The following VAV1 variants were observed in gnomAD, a reference collection of about 807,000 sequenced individuals.
VAV1 encodes vav guanine nucleotide exchange factor 1, also known as proto-oncogene vav.
A neutral mutation model predicts 128.1 loss-of-function variants in VAV1; 33 were observed. That is an observed-to-expected ratio of 0.26 (90% CI 0.20 to 0.34). The LOEUF is 0.34. Among genes scored for constraint, VAV1 ranks in the 10% least tolerant of loss-of-function variants. The pLI is 1.00. For missense variants in VAV1, 715 were observed against 1,093.7 expected, an observed-to-expected ratio of 0.65 and a Z score of 4.88; for synonymous variants, 394 against 409.8, an observed-to-expected ratio of 0.96 and a Z score of 0.47.
intron 1 of VAV1, among the ~76,000 whole-genome samples, chr19:6,782,360 AAAAATAAAAT>A (rs910144491): frequency 2.0e-5 from 3 of 152,000 alleles, no homozygotes; most frequent in Non-Finnish European, 4.4e-5. Context: ...AAATAAAAAT[AAAAATAAAAT>A]AAAATAAAAT....
intron 26 of VAV1, among the ~76,000 whole-genome samples, chr19:6,855,587 C>T (rs1394582709): frequency 6.6e-6 from 1 of 151,984 alleles, no homozygotes; most frequent in Non-Finnish European, 1.5e-5. Flanking sequence ...ATTAATCTAT[C>T]CATTAATCCA....
At chr19:6,773,144 C>A in intron 1 of VAV1, 133 bp downstream of exon 1, 5 of 1,226,626 alleles carry the variant, frequency 4.1e-6, no homozygotes, top group Non-Finnish European at 5.7e-6. Flanking sequence ...AGGTCCAGGG[C>A]TGGCCCAGGG....
chr19:6,781,208 C>T (rs1439130436), intron 1 of VAV1, among the ~76,000 whole-genome samples: 4 of 152,142 alleles, frequency 2.6e-5, no homozygotes, highest in Non-Finnish European at 5.9e-5. Context: ...CCACCCAGTC[C>T]TCGTGTTTTT....
At chr19:6,843,215 G>T (rs775606447) in intron 22 of VAV1, 49 bp downstream of exon 22, 1 of 1,610,456 alleles carries the variant, frequency 6.2e-7, no homozygotes, top group Non-Finnish European at 8.5e-7. Flanking sequence ...TCTGGGTTGG[G>T]GTTCCAGGCT....
intron 25 of VAV1, among the ~76,000 whole-genome samples, 198 bp from the exon 26 acceptor site, chr19:6,853,749 T>C (rs983449441): frequency 6.6e-6 from 1 of 151,770 alleles, no homozygotes; most frequent in Non-Finnish European, 1.5e-5. Flanking sequence ...AAAAAAGTGT[T>C]ATTTTCTAAA....
rs1970669738 is a variant in VAV1 at position 6,777,328 on chromosome 19, G to A, written c.204+4317G>A. Among the ~76,000 whole-genome samples the A allele has an allele frequency of 6.6e-6, 1 of 152,142 alleles. No homozygotes were observed. Among genetic ancestry groups the A allele is most frequent in the African/African-American group, 2.4e-5 (1 of 41,420 alleles). ...GCCAGGCCCTGTTCTTGGTGCTGGG[G>A]ACAGTGGGAATAGCACACACACACA... On this transcript the variant is annotated intron_variant, in intron 1 of 26. Coordinates refer to ENST00000602142, the MANE Select transcript of VAV1 (RefSeq NM_005428.4). The surrounding 1 kb of genome is among the most constrained non-coding windows in gnomAD (Gnocchi z 4.4).
chr19:6,850,368 A>G (rs1044656473), intron 23 of VAV1, among the ~76,000 whole-genome samples: 3 of 147,782 alleles, frequency 2.0e-5, no homozygotes, highest in African/African-American at 7.5e-5. Flanking sequence ...ATGGTTGTCT[A>G]TATTGGTGGA....
At position 6,827,042 on chromosome 19, in the gene VAV1, C is replaced by A. The variant is rs1971935252; in HGVS notation, c.927+331C>A. ...GGCTGAGCTCCCACTTCTCACTGAA[C>A]CCCAATTCCAACCAACCCCTGATCC... On this transcript the variant is annotated intron_variant, in intron 9 of 26. Coordinates refer to ENST00000602142, the MANE Select transcript of VAV1 (RefSeq NM_005428.4). 2.2e-5 allele frequency: 7 copies of A among 315,014 alleles called. No individual in the cohort carries two copies. In the Admixed American group the frequency reaches 2.8e-4, roughly 13 times the overall value. 19.5% of individuals were successfully genotyped at this position (315,014 alleles called of 1,614,324 possible). A position where few individuals can be genotyped will look rare whatever the true frequency, so the allele number is the denominator to read the frequency against.
At chr19:6,814,558 A>C (rs1045775335) in intron 1 of VAV1, among the ~76,000 whole-genome samples, 4 of 151,912 alleles carry the variant, frequency 2.6e-5, no homozygotes, top group Non-Finnish European at 5.9e-5. Flanking sequence ...CTATTTATCT[A>C]TATATTCTTT....
At chr19:6,791,257 T>C (rs935163705) in intron 1 of VAV1, among the ~76,000 whole-genome samples, 1 of 152,092 alleles carries the variant, frequency 6.6e-6, no homozygotes, top group African/African-American at 2.4e-5. Context: ...CTCGAGGTCC[T>C]CAAGCTATCT....
rs1169060390 is a variant in VAV1 at position 6,829,840 on chromosome 19, C to T, written c.1320C>T (p.Ser440=). Residue 440 remains serine (S), a synonymous_variant, in exon 14 of 27, where the codon TCC becomes TCT. Transcript: ENST00000602142. ...ALLICKRRGD[S]YDLKDFVNLH... ...TCATCTGTAAGCGCAGGGGAGACTC[C>T]TATGACCTCAAGGACTTTGTAAACC... 1.2e-6 allele frequency: 2 copies of T among 1,614,068 alleles called. No homozygotes were observed. Among genetic ancestry groups the T allele is most frequent in the African/African-American group, 2.7e-5 (2 of 74,906 alleles).
Position 6,826,192 on chromosome 19 carries a change from G to A in VAV1, c.828-420G>A, listed in dbSNP as rs1186507699. 1.3e-5 allele frequency among the ~76,000 whole-genome samples: 2 copies of A among 151,792 alleles called. No individual in the cohort carries two copies. Among genetic ancestry groups the A allele is most frequent in the Admixed American group, 6.6e-5 (1 of 15,254 alleles). ...GTCTCTACTAAAAATACAAAAATTA[G>A]CCAGGCATGGTGGCAGGTGTCTGTA... On this transcript the variant is annotated intron_variant, in intron 8 of 26. Coordinates refer to ENST00000602142, the MANE Select transcript of VAV1 (RefSeq NM_005428.4). This position sits in a 1 kb window ranked among gnomAD's most constrained non-coding sequence, Gnocchi z 4.1.
chr19:6,817,866 TTAGTAGAGACGGGATTTCACCGTGTTAGC>T (rs1971691056), intron 1 of VAV1, among the ~76,000 whole-genome samples: 1 of 152,090 alleles, frequency 6.6e-6, no homozygotes, highest in Non-Finnish European at 1.5e-5. Flanking sequence ...TTTTGTGTTT[TTAGTAGAGACGGGATTTCACCGTGTTAGC>T]CAGGATGGTC....
chr19:6,789,187 A>T (rs1182370086), intron 1 of VAV1, among the ~76,000 whole-genome samples: 1 of 152,192 alleles, frequency 6.6e-6, no homozygotes, highest in Non-Finnish European at 1.5e-5. Flanking sequence ...GGCTGAGAAC[A>T]GCAAAGAAGA....
intron 1 of VAV1, among the ~76,000 whole-genome samples, chr19:6,818,453 C>T (rs550311229): frequency 6.6e-6 from 1 of 152,340 alleles, no homozygotes; most frequent in South Asian, 2.1e-4. Context: ...CCACATGGGC[C>T]TCCTTGCTGT....
At chr19:6,838,126 T>TCTAG (rs1218711976) in intron 21 of VAV1, among the ~76,000 whole-genome samples, 8 of 151,580 alleles carry the variant, frequency 5.3e-5, no homozygotes, top group South Asian at 4.2e-4. Flanking sequence ...TATCTATCTA[T>TCTAG]CTATCTATCC....
At chr19:6,853,730 CA>C (rs371494493) in intron 25 of VAV1, among the ~76,000 whole-genome samples, 10,818 of 135,708 alleles carry the variant, frequency 0.08, 408 homozygotes, top group Non-Finnish European at 0.091. Context: ...GACTTTATCT[CA>C]AAAAAAAAAA....
intron 1 of VAV1, among the ~76,000 whole-genome samples, chr19:6,819,787 T>G (rs141245046): frequency 6.6e-6 from 1 of 152,200 alleles, no homozygotes; most frequent in African/African-American, 2.4e-5. Flanking sequence ...TTCTTCAGGA[T>G]CTGGGGAACC....
Position 6,832,139 on chromosome 19 carries a change from G to A in VAV1, c.1447G>A (p.Glu483Lys). 6.2e-7 allele frequency: 1 copy of A among 1,614,150 alleles called. No individual in the cohort carries two copies. The highest frequency in any genetic ancestry group is 8.5e-7 in the Non-Finnish European group (1 of 1,180,010). Residue 483 changes from glutamate (E) to lysine (K), a missense_variant, in exon 15 of 27, where the codon GAG becomes AAG. By Grantham distance (56) the Glu-to-Lys change is moderately conservative. Coordinates refer to ENST00000602142, the MANE Select transcript of VAV1 (RefSeq NM_005428.4). ...CGAGGACCAAGGTGCCCAGGGCTAT[G>A]AGCTGTTCTTCAAGACAAGAGAATT... ...LIEDQGAQGY[E>K]LFFKTRELKK... is the part of the protein sequence containing the mutation.
Sources: allele counts gnomAD v4.1 joint callset (sites outside exome capture counted in the v4.1 genomes callset), GRCh38; gene constraint gnomAD v4.1.1; non-coding constraint Gnocchi (gnomAD v3.1); transcripts MANE v1.5; gene names NCBI Gene and HGNC (gene_info 2026-07-23, HGNC 2026-07-21).